MRPL1: variants seen among roughly 807,000 people sequenced by gnomAD.
The protein encoded by MRPL1 is large ribosomal subunit protein uL1m.
In MRPL1, 28 loss-of-function variants were observed where a neutral mutation model predicts 38.0. That is an observed-to-expected ratio of 0.74 (90% CI 0.55 to 1.01). The LOEUF is 1.01. MRPL1 is among the 50% of genes least tolerant of loss of function. The pLI is 0.00. For missense variants in MRPL1, 358 were observed against 389.8 expected (o/e 0.92, Z 0.69); for synonymous variants, 123 against 126.7 (o/e 0.97, Z 0.20).
At chr4:77,916,670 A>T (rs1387675465) in intron 7 of MRPL1, among the ~76,000 whole-genome samples, 1 of 152,192 alleles carries the variant, frequency 6.6e-6, no homozygotes, top group Non-Finnish European at 1.5e-5. Flanking sequence ...GATCTGCCAC[A>T]TTCTTTTTAA....
intron 7 of MRPL1, among the ~76,000 whole-genome samples, chr4:77,935,755 A>C (rs900842170): frequency 3.9e-5 from 6 of 152,032 alleles, no homozygotes; most frequent in Non-Finnish European, 8.8e-5. Flanking sequence ...GGCCAGGTGC[A>C]CCCTGTCTCT....
At chr4:77,928,738 T>G (rs996457583) in intron 7 of MRPL1, among the ~76,000 whole-genome samples, 24 of 152,216 alleles carry the variant, frequency 1.6e-4, no homozygotes, top group African/African-American at 5.5e-4. Context: ...TTGGGGTGAG[T>G]CATCCTTGCA....
chr4:77,883,056 G>C (rs1178591523), intron 2 of MRPL1, among the ~76,000 whole-genome samples, 186 bp from the exon 3 acceptor site: 2 of 152,164 alleles, frequency 1.3e-5, no homozygotes, highest in East Asian at 3.8e-4. Flanking sequence ...ACTTATTCAT[G>C]ACTTCAGACA....
chr4:77,891,840 C>G (rs1427109448), intron 5 of MRPL1, among the ~76,000 whole-genome samples: 2 of 152,086 alleles, frequency 1.3e-5, no homozygotes, highest in African/African-American at 4.8e-5. Flanking sequence ...AAAATATTAA[C>G]AGGTACAGAA....
intron 6 of MRPL1, among the ~76,000 whole-genome samples, chr4:77,898,916 G>A (rs571033492): frequency 1.6e-4 from 25 of 151,776 alleles, no homozygotes; most frequent in Non-Finnish European, 2.8e-4. Context: ...AAGTTCTTGC[G>A]GTCATAGAAC....
chr4:77,926,492 C>G (rs1359022184), intron 7 of MRPL1, among the ~76,000 whole-genome samples: 1 of 152,166 alleles, frequency 6.6e-6, no homozygotes, highest in African/African-American at 2.4e-5. Flanking sequence ...TTTGAACATT[C>G]ATGGTGGCTT....
chr4:77,878,881 A>C (rs1735464177), intron 2 of MRPL1, among the ~76,000 whole-genome samples: 1 of 152,176 alleles, frequency 6.6e-6, no homozygotes, highest in African/African-American at 2.4e-5. Context: ...CCGTCTTAAA[A>C]ACAAAAAAAA....
intron 7 of MRPL1, among the ~76,000 whole-genome samples, chr4:77,919,413 A>G (rs1373429300): frequency 6.6e-6 from 1 of 152,190 alleles, no homozygotes; most frequent in Non-Finnish European, 1.5e-5. Flanking sequence ...AATGTTGACT[A>G]TCCCATTTTA....
At chr4:77,905,937 G>A (rs1037657294) in intron 6 of MRPL1, among the ~76,000 whole-genome samples, 4 of 152,140 alleles carry the variant, frequency 2.6e-5, no homozygotes, top group Admixed American at 2.0e-4. Context: ...TAACTTGCCT[G>A]CATCTAGGTA....
At chr4:77,911,193 G>A (rs1263763285) in intron 7 of MRPL1, among the ~76,000 whole-genome samples, 3 of 152,120 alleles carry the variant, frequency 2.0e-5, no homozygotes, top group African/African-American at 7.2e-5. Flanking sequence ...TATTGTTATT[G>A]TTTTGGTTGG....
chr4:77,913,491 A>G (rs1736338071), intron 7 of MRPL1, among the ~76,000 whole-genome samples: 1 of 152,214 alleles, frequency 6.6e-6, no homozygotes, highest in South Asian at 2.1e-4. Flanking sequence ...AAGACTGGCC[A>G]TACCAACTGC....
At chr4:77,950,825 A>G (rs955146213) in intron 8 of MRPL1, among the ~76,000 whole-genome samples, 1 of 152,156 alleles carries the variant, frequency 6.6e-6, no homozygotes, top group Non-Finnish European at 1.5e-5. Context: ...TTGCTATTTC[A>G]TATGAAGCCC....
chr4:77,907,570 T>A (rs1384649829), intron 6 of MRPL1, among the ~76,000 whole-genome samples: 1 of 123,810 alleles, frequency 8.1e-6, no homozygotes, highest in Non-Finnish European at 1.6e-5. Context: ...CTTTCTCCCC[T>A]CCCCTCCTGT....
At chr4:77,865,102 C>T (rs1735098613) in intron 1 of MRPL1, among the ~76,000 whole-genome samples, 1 of 151,838 alleles carries the variant, frequency 6.6e-6, no homozygotes, top group Non-Finnish European at 1.5e-5. Flanking sequence ...GTTGGCCAGG[C>T]TGGTCTCGAA....
At chr4:77,940,672 G>A (rs2134459) in intron 7 of MRPL1, among the ~76,000 whole-genome samples, 22,580 of 152,020 alleles carry the variant, frequency 0.15, 1,919 homozygotes, top group South Asian at 0.25. Flanking sequence ...TATTTTGTTG[G>A]CTGTGGGTTT....
chr4:77,905,028 G>T (rs745739720), intron 6 of MRPL1, among the ~76,000 whole-genome samples: 17 of 152,152 alleles, frequency 1.1e-4, no homozygotes, highest in Non-Finnish European at 2.5e-4. Flanking sequence ...TTGCTCATGG[G>T]TGAATACCCC....
intron 7 of MRPL1, among the ~76,000 whole-genome samples, chr4:77,946,435 G>A (rs1009201582): frequency 8.5e-5 from 13 of 152,088 alleles, no homozygotes; most frequent in African/African-American, 1.9e-4. Flanking sequence ...GGTGACTGAC[G>A]TACATCCTCA....
intron 2 of MRPL1, among the ~76,000 whole-genome samples, chr4:77,876,846 T>G (rs987987079): frequency 6.6e-6 from 1 of 152,028 alleles, no homozygotes; most frequent in Non-Finnish European, 1.5e-5. Flanking sequence ...TTAGGTTGAG[T>G]CTGGTTTTGT....
chr4:77,891,193 AATC>A (rs1429806247), intron 5 of MRPL1, among the ~76,000 whole-genome samples: 14 of 151,998 alleles, frequency 9.2e-5, no homozygotes, highest in Admixed American at 8.5e-4. Flanking sequence ...ATTAAAAAAT[AATC>A]ATCACAAATG....
Sources: allele counts gnomAD v4.1 joint callset (sites outside exome capture counted in the v4.1 genomes callset), GRCh38; gene constraint gnomAD v4.1.1; transcripts MANE v1.5; gene names NCBI Gene and HGNC (gene_info 2026-07-23, HGNC 2026-07-21).